Variants in AZIN1 observed in about 807,000 individuals in gnomAD.
AZIN1 encodes the protein ornithine decarboxylase antizyme inhibitor.
Under a neutral mutation model 47.4 loss-of-function variants are expected in AZIN1, and 12 were observed. The ratio of observed to expected loss-of-function variants is 0.25; its 90% confidence interval spans 0.16 to 0.41. The LOEUF (loss-of-function observed/expected upper bound fraction) is 0.41. Among genes scored for constraint, AZIN1 ranks in the 10% least tolerant of loss-of-function variants. AZIN1 has a pLI of 1.00. For missense variants in AZIN1, 410 were observed against 532.4 expected, an observed-to-expected ratio of 0.77 and a Z score of 2.26; for synonymous variants, 155 against 176.3, an observed-to-expected ratio of 0.88 and a Z score of 0.96.
At chr8:102,848,306 G>A (rs1442212482) in intron 2 of AZIN1, among the ~76,000 whole-genome samples, 1 of 104,832 alleles carries the variant, frequency 9.5e-6, no homozygotes, top group Non-Finnish European at 1.8e-5. Flanking sequence ...ATCAGCTACT[G>A]TTAAAGACTA....
chr8:102,859,827 A>G (rs2131289071), intron 1 of AZIN1, among the ~76,000 whole-genome samples: 1 of 152,238 alleles, frequency 6.6e-6, no homozygotes, highest in East Asian at 1.9e-4. Context: ...CAGAGGGAGA[A>G]CCTGTCTCCA....
chr8:102,852,148 T>C (rs1812954181), intron 2 of AZIN1, among the ~76,000 whole-genome samples: 1 of 152,222 alleles, frequency 6.6e-6, no homozygotes, highest in African/African-American at 2.4e-5. Context: ...TCATGCCAAA[T>C]ATAACATGTT....
intron 2 of AZIN1, among the ~76,000 whole-genome samples, chr8:102,844,668 A>T (rs1316125438): frequency 1.3e-5 from 2 of 152,316 alleles, no homozygotes; most frequent in Non-Finnish European, 2.9e-5. Flanking sequence ...CATATAAATT[A>T]AAAACATCTG....
At chr8:102,863,494 C>T (rs1035770433) in intron 1 of AZIN1, among the ~76,000 whole-genome samples, 2 of 151,552 alleles carry the variant, frequency 1.3e-5, no homozygotes, top group African/African-American at 4.8e-5. Context: ...GAGGGGACGG[C>T]GACCCCCGGC....
Position 102,838,783 on chromosome 8 carries a change from A to G in AZIN1, c.410T>C (p.Ile137Thr). ...ATTACGTGCAATTTTCTTCAATTCA[A>G]TTTCATTGTCACATGTCAGGATATT... ...GVNILTCDNE[I>T]ELKKIARNHP... is the part of the protein sequence containing the mutation. The change falls in exon 5 of 12, where the codon ATT becomes ACT. Residue 137 changes from isoleucine (I) to threonine (T), a missense_variant. Physicochemically the swap from Ile to Thr is moderately conservative, Grantham distance 89 (BLOSUM62 -1). Around this residue, in one of 3 missense-constraint regions of AZIN1, gnomAD observed 237 missense variants for 309.4 expected, o/e 0.77. Coordinates refer to ENST00000337198, the MANE Select transcript of AZIN1 (RefSeq NM_148174.4). The G allele has an allele frequency of 6.2e-7, 1 of 1,612,924 alleles. No homozygotes were observed. Among genetic ancestry groups the G allele is most frequent in the Non-Finnish European group, 8.5e-7 (1 of 1,179,696 alleles).
chr8:102,847,255 G>A (rs1237213872), intron 2 of AZIN1, among the ~76,000 whole-genome samples: 1 of 151,114 alleles, frequency 6.6e-6, no homozygotes, highest in Non-Finnish European at 1.5e-5. Flanking sequence ...CAATAAAGTA[G>A]TTGATTGAAC....
intron 9 of AZIN1, among the ~76,000 whole-genome samples, chr8:102,832,505 G>T (rs1043895372): frequency 7.9e-5 from 12 of 152,138 alleles, no homozygotes; most frequent in African/African-American, 2.9e-4. Flanking sequence ...GAACAGAAAA[G>T]ATCACAATAA....
intron 6 of AZIN1, 63 bp downstream of exon 6, chr8:102,836,193 C>A (rs1563533588): frequency 6.6e-7 from 1 of 1,504,794 alleles, no homozygotes; most frequent in East Asian, 2.3e-5. Flanking sequence ...AAATCAATAA[C>A]CAGAAAGACA....
At chr8:102,857,974 A>G (rs976081360) in intron 2 of AZIN1, 39 bp downstream of exon 2, 7 of 398,732 alleles carry the variant, frequency 1.8e-5, no homozygotes, top group Non-Finnish European at 3.1e-5. Flanking sequence ...CTTCGATTTT[A>G]AAGACCTCCT....
chr8:102,861,967 C>G (rs893340798), intron 1 of AZIN1, among the ~76,000 whole-genome samples: 5 of 151,434 alleles, frequency 3.3e-5, no homozygotes, highest in African/African-American at 1.2e-4. Flanking sequence ...ACCTGGGAAG[C>G]GGAGGTTGCA....
At chr8:102,834,415 T>C in intron 7 of AZIN1, 152 bp from the exon 8 acceptor site, 1 of 659,096 alleles carries the variant, frequency 1.5e-6, no homozygotes, top group Non-Finnish European at 2.6e-6. Flanking sequence ...GATTATTCAA[T>C]GTTAGGTATG....
chr8:102,844,056 C>T lies in AZIN1; in HGVS notation c.-95-309G>A, dbSNP rs533995777. 2.6e-5 allele frequency among the ~76,000 whole-genome samples: 4 copies of T among 152,296 alleles called. No homozygotes were observed. The East Asian group carries it at 5.8e-4, about 22-fold the overall frequency. On this transcript the variant is annotated intron_variant, in intron 2 of 11. Coordinates refer to ENST00000337198, the MANE Select transcript of AZIN1 (RefSeq NM_148174.4). Reference sequence around the variant, plus strand: ...CAATCTGTATTATTATCTTGTTTTGCGTTCCTATAACACACATAATTTTAC... The same window carrying T: ...CAATCTGTATTATTATCTTGTTTTGTGTTCCTATAACACACATAATTTTAC...
At chr8:102,862,030 CA>C (rs879368746) in intron 1 of AZIN1, among the ~76,000 whole-genome samples, 3,485 of 136,938 alleles carry the variant, frequency 0.025, 110 homozygotes, top group African/African-American at 0.085. Context: ...AGCTAGACTC[CA>C]AAAAAAAAAA....
intron 1 of AZIN1, among the ~76,000 whole-genome samples, chr8:102,859,939 ATT>A (rs1813526039): frequency 6.6e-6 from 1 of 152,212 alleles, no homozygotes; most frequent in Non-Finnish European, 1.5e-5. Context: ...GAGCCCAGGA[ATT>A]TGAGTCCAGC....
intron 2 of AZIN1, among the ~76,000 whole-genome samples, chr8:102,855,213 C>T (rs1323618256): frequency 6.6e-6 from 1 of 152,162 alleles, no homozygotes; most frequent in Admixed American, 6.5e-5. Flanking sequence ...CCTGCCACGA[C>T]GCTCGACTAA....
chr8:102,838,951 G>A, intron 4 of AZIN1, 35 bp from the exon 5 acceptor site: 6 of 1,570,366 alleles, frequency 3.8e-6, no homozygotes, highest in South Asian at 1.2e-5. Flanking sequence ...AATACATAAT[G>A]TCACAGTTCA....
chr8:102,841,333 A>G (rs913204471), intron 3 of AZIN1, among the ~76,000 whole-genome samples: 24 of 152,222 alleles, frequency 1.6e-4, no homozygotes, highest in African/African-American at 5.5e-4. Context: ...CAGAGCCAGA[A>G]AAGAATGGGG....
intron 2 of AZIN1, among the ~76,000 whole-genome samples, chr8:102,857,234 A>T (rs1041568669): frequency 6.6e-6 from 1 of 152,204 alleles, no homozygotes; most frequent in African/African-American, 2.4e-5. Context: ...CTTTTATCGA[A>T]TAGGGATCTG....
At chr8:102,836,041 G>A (rs1811801583) in intron 6 of AZIN1, among the ~76,000 whole-genome samples, 1 of 152,062 alleles carries the variant, frequency 6.6e-6, no homozygotes, top group African/African-American at 2.4e-5. Flanking sequence ...TTTATTGTGG[G>A]GAAGGAGGTA....
Sources: gnomAD v4.1 joint callset for allele counts (sites outside exome capture counted in the v4.1 genomes callset) on GRCh38, gnomAD v4.1.1 for gene constraint, gnomAD v4.1.1 regional missense constraint, MANE v1.5 for transcripts, NCBI Gene and HGNC (gene_info 2026-07-23, HGNC 2026-07-21) for gene names.